MACROD2: variants seen among roughly 807,000 people sequenced by gnomAD.
The protein encoded by MACROD2 is ADP-ribose glycohydrolase MACROD2.
In MACROD2, 36 loss-of-function variants were observed where a neutral mutation model predicts 70.4. The ratio of observed to expected loss-of-function variants is 0.51; its 90% CI spans 0.39 to 0.68. MACROD2 has a LOEUF of 0.68. Ranked by LOEUF, MACROD2 falls within the 30% of genes least tolerant of loss-of-function variation. The probability of loss-of-function intolerance (pLI) is 0.00; values close to 1 mark genes in which losing one functional copy is unlikely to be tolerated. For synonymous variants in MACROD2, 172 were observed against 178.8 expected (o/e 0.96, Z 0.30); for missense variants, 496 against 538.4 (o/e 0.92, Z 0.78).
In MACROD2 at chr20:14,311,813, C is replaced by T. The variant is rs147340306; in HGVS notation, c.272-181666C>T. ...GATTACAGGCGTGAGCCACCGCACC[C>T]GGCCTGTATGCATATCTTTGTTGAG... On this transcript the variant is annotated intron_variant, in intron 3 of 17. Transcript: ENST00000684519. Among the ~76,000 whole-genome samples the T allele has an allele frequency of 9.2e-3, 1,403 of 152,200 alleles. 13 individuals are homozygous for T. The highest frequency in any genetic ancestry group is 0.014 in the Non-Finnish European group (925 of 68,006).
At chr20:14,373,413 T>C (rs1489065273) in intron 3 of MACROD2, among the ~76,000 whole-genome samples, 2 of 152,170 alleles carry the variant, frequency 1.3e-5, no homozygotes, top group African/African-American at 2.4e-5. Context: ...GCAAATGTTA[T>C]GAATTGTCTC....
At chr20:15,782,458 G>T (rs1040727292) in intron 8 of MACROD2, among the ~76,000 whole-genome samples, 1 of 151,994 alleles carries the variant, frequency 6.6e-6, no homozygotes, top group African/African-American at 2.4e-5. Flanking sequence ...CAACTGGACT[G>T]GGGCTGGAGC....
At chr20:14,989,585 T>A (rs2074881921) in intron 5 of MACROD2, among the ~76,000 whole-genome samples, 1 of 152,146 alleles carries the variant, frequency 6.6e-6, no homozygotes, top group Non-Finnish European at 1.5e-5. Context: ...GGTAGAAGAT[T>A]CATGAAGATT....
intron 3 of MACROD2, among the ~76,000 whole-genome samples, chr20:14,253,052 C>A (rs117119131): frequency 3.5e-4 from 53 of 151,972 alleles, no homozygotes; most frequent in Non-Finnish European, 6.8e-4. Flanking sequence ...ACTTCTTGTG[C>A]TTTAAACTTT....
chr20:15,895,560 G>A (rs1234764388), intron 10 of MACROD2, among the ~76,000 whole-genome samples: 3 of 152,224 alleles, frequency 2.0e-5, no homozygotes, highest in Non-Finnish European at 2.9e-5. Context: ...CACCAGGTTC[G>A]AGAGGCTGAA....
chr20:14,531,216 G>A (rs1197973990), intron 4 of MACROD2, among the ~76,000 whole-genome samples: 1 of 152,170 alleles, frequency 6.6e-6, no homozygotes, highest in Non-Finnish European at 1.5e-5. Context: ...CTGTGAATGT[G>A]ACCTTATTTG....
intron 4 of MACROD2, among the ~76,000 whole-genome samples, chr20:14,605,017 C>T (rs1358750161): frequency 2.0e-5 from 3 of 152,290 alleles, no homozygotes; most frequent in East Asian, 3.9e-4. Context: ...ACAGTTTGCA[C>T]TTGTATATTT....
chr20:14,559,266 G>A (rs1436870795), intron 4 of MACROD2, among the ~76,000 whole-genome samples: 1 of 151,340 alleles, frequency 6.6e-6, no homozygotes, highest in Non-Finnish European at 1.5e-5. Context: ...ACTTTTTAAG[G>A]GATGTATGTT....
intron 3 of MACROD2, among the ~76,000 whole-genome samples, chr20:14,137,040 C>G (rs2054807365): frequency 1.3e-5 from 2 of 152,180 alleles, no homozygotes; most frequent in South Asian, 4.1e-4. Context: ...TTAAGCACAT[C>G]TCACTGGATT....
At chr20:14,038,624 A>G (rs979853021) in intron 2 of MACROD2, among the ~76,000 whole-genome samples, 1 of 152,098 alleles carries the variant, frequency 6.6e-6, no homozygotes, top group African/African-American at 2.4e-5. Flanking sequence ...TGATTTTTGG[A>G]AAGATGTGGT....
chr20:15,595,707 A>G (rs956907803), intron 8 of MACROD2, among the ~76,000 whole-genome samples: 2 of 152,194 alleles, frequency 1.3e-5, no homozygotes, highest in African/African-American at 4.8e-5. Flanking sequence ...AAAATTACAC[A>G]TATATACAAA....
chr20:14,486,124 A>G (rs1255829478), intron 3 of MACROD2, among the ~76,000 whole-genome samples: 1 of 152,140 alleles, frequency 6.6e-6, no homozygotes, highest in Non-Finnish European at 1.5e-5. Context: ...GAGAAACTCA[A>G]GGAGTTTTTC....
Position 14,740,446 on chromosome 20 carries a change from A to G in MACROD2, c.418+55487A>G, listed in dbSNP as rs563861349. ...CTACTAGTTTTCTTTTTAAGTGGCAAATCTTTTCCTTGGTTATCAGAACTT... is the reference window on the plus strand; with the variant it reads ...CTACTAGTTTTCTTTTTAAGTGGCAGATCTTTTCCTTGGTTATCAGAACTT... On this transcript the variant is annotated intron_variant, in intron 5 of 17. Transcript: ENST00000684519. Among the ~76,000 whole-genome samples the G allele has an allele frequency of 4.6e-5, 7 of 152,238 alleles. No individual in the cohort carries two copies. The South Asian group carries it at 1.5e-3, about 32-fold the overall frequency.
At chr20:15,906,953 G>A (rs1040407594) in intron 10 of MACROD2, among the ~76,000 whole-genome samples, 2 of 152,220 alleles carry the variant, frequency 1.3e-5, no homozygotes, top group Admixed American at 6.5e-5. Flanking sequence ...CTACACAGCT[G>A]CTTTTTCCTC....
At chr20:14,276,354 A>C (rs953862134) in intron 3 of MACROD2, among the ~76,000 whole-genome samples, 1 of 149,332 alleles carries the variant, frequency 6.7e-6, no homozygotes, top group African/African-American at 2.5e-5. Flanking sequence ...GGAAATCATC[A>C]TTCTCAGTAA....
intron 13 of MACROD2, among the ~76,000 whole-genome samples, chr20:15,974,400 A>G (rs1375430654): frequency 2.6e-5 from 4 of 152,178 alleles, no homozygotes. Context: ...GCATATTACT[A>G]AGTGCAAAAA....
At chr20:15,405,287 T>G (rs1372201282) in intron 6 of MACROD2, among the ~76,000 whole-genome samples, 2 of 152,054 alleles carry the variant, frequency 1.3e-5, no homozygotes, top group Non-Finnish European at 2.9e-5. Flanking sequence ...TGATTAATAT[T>G]ATCTTATCTT....
intron 5 of MACROD2, among the ~76,000 whole-genome samples, chr20:14,974,537 A>G (rs2074720935): frequency 6.6e-6 from 1 of 152,144 alleles, no homozygotes; most frequent in Non-Finnish European, 1.5e-5. Flanking sequence ...TCTGGGCCTT[A>G]GTGGCTGATT....
intron 8 of MACROD2, among the ~76,000 whole-genome samples, chr20:15,555,341 C>T (rs920341125): frequency 6.6e-6 from 1 of 152,166 alleles, no homozygotes; most frequent in Non-Finnish European, 1.5e-5. Flanking sequence ...TGTAGACTAT[C>T]ATTTGAACTT....
Sources: allele counts gnomAD v4.1 joint callset (sites outside exome capture counted in the v4.1 genomes callset), GRCh38; gene constraint gnomAD v4.1.1; transcripts MANE v1.5; gene names NCBI Gene and HGNC (gene_info 2026-07-23, HGNC 2026-07-21).